DHRS4: variants seen among roughly 807,000 people sequenced by gnomAD.
DHRS4 encodes the protein dehydrogenase/reductase SDR family member 4.
In DHRS4, 20 loss-of-function variants were observed where a neutral mutation model predicts 28.4. The observed-to-expected ratio is 0.71, with a 90% CI of 0.50 to 1.02. The LOEUF is 1.02. Ranked by LOEUF, DHRS4 falls within the 50% of genes least tolerant of loss-of-function variation. The probability of loss-of-function intolerance (pLI) is 0.00; values close to 1 mark genes in which losing one functional copy is unlikely to be tolerated. For synonymous variants in DHRS4, 144 were observed against 146.4 expected (o/e 0.98, Z 0.12); for missense variants, 378 against 367.2 (o/e 1.03, Z -0.24).
At chr14:23,960,700 CAT>C (rs1358481180) in intron 3 of DHRS4, among the ~76,000 whole-genome samples, 28 of 152,014 alleles carry the variant, frequency 1.8e-4, no homozygotes, top group Non-Finnish European at 2.6e-4. Flanking sequence ...AATATTCCCA[CAT>C]GATTGGGAAA....
At chr14:23,956,116 T>A (rs117354048) in intron 2 of DHRS4, among the ~76,000 whole-genome samples, 3 of 152,194 alleles carry the variant, frequency 2.0e-5, no homozygotes, top group Admixed American at 6.5e-5. Context: ...TTTAAGGAAC[T>A]GTCTGGCAAA....
At chr14:23,960,526 A>C (rs557390241) in intron 3 of DHRS4, among the ~76,000 whole-genome samples, 1 of 152,166 alleles carries the variant, frequency 6.6e-6, no homozygotes, top group African/African-American at 2.4e-5. Flanking sequence ...TTTCTTCTTA[A>C]CTGCAATGTC....
intron 7 of DHRS4, 115 bp downstream of exon 7, chr14:23,967,381 T>C (rs2033672149): frequency 1.5e-6 from 2 of 1,327,620 alleles, no homozygotes; most frequent in Non-Finnish European, 2.1e-6. Context: ...GGCTCTCTTC[T>C]GCCTCACAGA....
chr14:23,953,927 C>A lies in DHRS4; in HGVS notation c.128+11C>A. 2 of 1,572,440 alleles carry A rather than the reference C, an allele frequency of 1.3e-6. No homozygotes were observed. Among genetic ancestry groups the A allele is most frequent in the South Asian group, 2.3e-5 (2 of 86,992 alleles). On this transcript the variant is annotated intron_variant, in intron 1 of 7. Transcript: ENST00000313250. ...GGCCTCCACCGACGGGTGAGTGCTC[C>A]GGCCGGAGTTTCTGAGGCCCTGGCT...
chr14:23,955,265 C>T (rs1355606563), intron 2 of DHRS4, 53 bp downstream of exon 2: 3 of 1,557,212 alleles, frequency 1.9e-6, no homozygotes, highest in Non-Finnish European at 2.6e-6. Context: ...CGGAGCCAGC[C>T]TGAGCCTCCT....
At chr14:23,964,806 C>T (rs1594432571) in intron 3 of DHRS4, among the ~76,000 whole-genome samples, 1 of 147,864 alleles carries the variant, frequency 6.8e-6, no homozygotes. Context: ...GAACTCCTGA[C>T]CTAAAAGTGA....
At chr14:23,954,045 G>C in intron 1 of DHRS4, 129 bp downstream of exon 1, 2 of 1,431,408 alleles carry the variant, frequency 1.4e-6, no homozygotes, top group East Asian at 5.0e-5. Context: ...TGGAAAAAAG[G>C]TAGCCACGTG....
intron 3 of DHRS4, among the ~76,000 whole-genome samples, chr14:23,962,819 A>C (rs1297965344): frequency 6.7e-6 from 1 of 150,256 alleles, no homozygotes; most frequent in East Asian, 1.9e-4. Flanking sequence ...AGGAATCACT[A>C]TCCATGGCAG....
intron 5 of DHRS4, 109 bp downstream of exon 5, chr14:23,966,092 G>T: frequency 6.2e-7 from 1 of 1,601,916 alleles, no homozygotes; most frequent in Non-Finnish European, 8.5e-7. Flanking sequence ...ACACCACCAA[G>T]TCCCTGCCCA....
At chr14:23,956,033 C>T (rs2033127991) in intron 2 of DHRS4, among the ~76,000 whole-genome samples, 1 of 152,194 alleles carries the variant, frequency 6.6e-6, no homozygotes, top group Admixed American at 6.5e-5. Context: ...AAATAATTTG[C>T]ATAATCTTAG....
chr14:23,968,802 C>T lies in DHRS4; in HGVS notation c.768C>T (p.Cys256=). Residue 256 remains cysteine, a synonymous_variant, in exon 8 of 8, where the codon TGC becomes TGT. Coordinates refer to ENST00000313250, the MANE Select transcript of DHRS4 (RefSeq NM_021004.4). ...GTGCTGGCATCGTGTCTTTCCTGTGCTCTGAAGATGCCAGCTACATCACTG... is the reference window on the plus strand; with the variant it reads ...GTGCTGGCATCGTGTCTTTCCTGTGTTCTGAAGATGCCAGCTACATCACTG... ...EDCAGIVSFL[C]SEDASYITGE... 1 of 1,610,210 alleles carries T rather than the reference C, an allele frequency of 6.2e-7. No homozygotes were observed. Among genetic ancestry groups the T allele is most frequent in the South Asian group, 1.1e-5 (1 of 90,454 alleles).
chr14:23,958,310 G>A lies in DHRS4; in HGVS notation c.307-1592G>A, dbSNP rs531440918. ...TTAAAACGGGAAGCTAGCAGATGGT[G>A]TACATTGTTAGTAACACCCCTCTGT... On this transcript the variant is annotated intron_variant, in intron 2 of 7. Coordinates refer to ENST00000313250, the MANE Select transcript of DHRS4 (RefSeq NM_021004.4). Among the ~76,000 whole-genome samples the A allele has an allele frequency of 3.9e-5, 6 of 152,298 alleles. No individual in the cohort carries two copies. The East Asian group carries it at 5.8e-4, about 15-fold the overall frequency.
chr14:23,966,103 C>G, intron 5 of DHRS4, 120 bp downstream of exon 5: 24 of 1,597,532 alleles, frequency 1.5e-5, no homozygotes, highest in Non-Finnish European at 2.0e-5. Context: ...TCCCTGCCCA[C>G]AAAATAGATG....
intron 2 of DHRS4, among the ~76,000 whole-genome samples, chr14:23,959,497 G>T (rs1440377111): frequency 1.3e-5 from 2 of 152,130 alleles, no homozygotes; most frequent in African/African-American, 4.8e-5. Context: ...GGTCAAGGCT[G>T]CAGTGAGCTG....
chr14:23,967,209 A>G lies in DHRS4; in HGVS notation c.667-2A>G, dbSNP rs1253993253. On this transcript the variant is annotated splice_acceptor_variant, in intron 6 of 7. Transcript: ENST00000313250. LOFTEE classifies it high-confidence loss of function. ...ATAAAGAGATTTCCCTTCTTCCTGCAGCTCTGGATGGACAAGGAAAAAGAG... is the reference window on the plus strand; with the variant it reads ...ATAAAGAGATTTCCCTTCTTCCTGCGGCTCTGGATGGACAAGGAAAAAGAG... 1 of 1,611,196 alleles carries G rather than the reference A, an allele frequency of 6.2e-7. No homozygotes were observed. Among genetic ancestry groups the G allele is most frequent in the Non-Finnish European group, 8.5e-7 (1 of 1,179,092 alleles).
At chr14:23,957,818 T>C (rs2033237507) in intron 2 of DHRS4, among the ~76,000 whole-genome samples, 1 of 149,684 alleles carries the variant, frequency 6.7e-6, no homozygotes, top group South Asian at 2.1e-4. Context: ...ACCAAAGTGC[T>C]AGGATTATAG....
At chr14:23,953,945 CCCTGGCTG>C in intron 1 of DHRS4, 29 bp downstream of exon 1, 1 of 1,559,024 alleles carries the variant, frequency 6.4e-7, no homozygotes, top group Non-Finnish European at 8.7e-7. Context: ...GTTTCTGAGG[CCCTGGCTG>C]CCTGGAAACA....
At chr14:23,968,438 T>G (rs1420287841) in intron 7 of DHRS4, among the ~76,000 whole-genome samples, 1 of 150,672 alleles carries the variant, frequency 6.6e-6, no homozygotes, top group East Asian at 1.9e-4. Context: ...GAAACCATTT[T>G]TTTGAAGTAT....
rs1369975903 is a variant in DHRS4 at position 23,955,341 on chromosome 14, G to A, written c.306+129G>A. 4.3e-6 allele frequency: 6 copies of A among 1,390,566 alleles called. No homozygotes were observed. In the East Asian group the frequency reaches 7.6e-5, roughly 18 times the overall value. The allele number at this position is 1,390,566 out of a possible 1,614,324, so 86.1% of individuals were successfully genotyped here. A position where few individuals can be genotyped will look rare whatever the true frequency, so the allele number is the denominator to read the frequency against. ...CTTTCTATTATGTCCATATACTAACGTCAGAGAATCATCCCATCTCAGTCA... is the reference window on the plus strand; with the variant it reads ...CTTTCTATTATGTCCATATACTAACATCAGAGAATCATCCCATCTCAGTCA... On this transcript the variant is annotated intron_variant, in intron 2 of 7. Transcript: ENST00000313250.
Sources: gnomAD v4.1 joint callset for allele counts (sites outside exome capture counted in the v4.1 genomes callset) on GRCh38, gnomAD v4.1.1 for gene constraint, MANE v1.5 for transcripts, NCBI Gene and HGNC (gene_info 2026-07-23, HGNC 2026-07-21) for gene names.